RIMS2: variants seen among roughly 807,000 people sequenced by gnomAD.
RIMS2 encodes the protein regulating synaptic membrane exocytosis 2, also known as regulating synaptic membrane exocytosis protein 2.
Under a neutral mutation model 174.4 loss-of-function variants are expected in RIMS2, and 59 were observed. The observed-to-expected ratio is 0.34, with a 90% CI of 0.27 to 0.42. RIMS2 has a LOEUF of 0.42. Among genes scored for constraint, RIMS2 ranks in the 10% least tolerant of loss-of-function variants. RIMS2 has a pLI of 1.00. For missense variants in RIMS2, 1,620 were observed against 1,666.3 expected (o/e 0.97, Z 0.48); for synonymous variants, 606 against 572.5 (o/e 1.06, Z -0.84).
chr8:103,556,350 A>G (rs1277539080), intron 1 of RIMS2, among the ~76,000 whole-genome samples: 1 of 152,326 alleles, frequency 6.6e-6, no homozygotes, highest in South Asian at 2.1e-4. Flanking sequence ...AAATTCCTGT[A>G]AAGCTTGATC....
At chr8:103,981,508 A>G (rs1188286973) in intron 16 of RIMS2, among the ~76,000 whole-genome samples, 1 of 152,180 alleles carries the variant, frequency 6.6e-6, no homozygotes, top group Non-Finnish European at 1.5e-5. Flanking sequence ...CATTAGGATC[A>G]TCCAGGAAAA....
intron 3 of RIMS2, among the ~76,000 whole-genome samples, chr8:103,832,451 G>A (rs886782902): frequency 6.6e-6 from 1 of 151,972 alleles, no homozygotes; most frequent in East Asian, 1.9e-4. Context: ...TATGTCATGG[G>A]GGTTTGTTGT....
chr8:103,777,871 GAAATTGGGTATAAACTGGGTACA>G (rs1199916336), intron 3 of RIMS2, among the ~76,000 whole-genome samples: 24 of 152,070 alleles, frequency 1.6e-4, no homozygotes, highest in Non-Finnish European at 2.5e-4. Context: ...TGCTGGGTAT[GAAATTGGGTATAAACTGGGTACA>G]AAATTGGGTA....
chr8:103,845,113 T>C (rs550576289), intron 3 of RIMS2, among the ~76,000 whole-genome samples: 30 of 152,290 alleles, frequency 2.0e-4, no homozygotes, highest in Non-Finnish European at 2.9e-5. Flanking sequence ...TTATTGTTGC[T>C]TGTGAAAGTT....
At chr8:103,681,829 TGG>T (rs2096884046) in intron 1 of RIMS2, among the ~76,000 whole-genome samples, 1 of 151,948 alleles carries the variant, frequency 6.6e-6, no homozygotes, top group Admixed American at 6.6e-5. Flanking sequence ...GGAAGAAGCA[TGG>T]ATGTGAGTAG....
At chr8:103,752,965 C>T (rs1194304182) in intron 2 of RIMS2, among the ~76,000 whole-genome samples, 1 of 151,944 alleles carries the variant, frequency 6.6e-6, no homozygotes, top group African/African-American at 2.4e-5. Context: ...GAACTTCCAA[C>T]ACTATGTTGA....
intron 13 of RIMS2, among the ~76,000 whole-genome samples, chr8:103,938,933 G>T (rs901237121): frequency 6.6e-6 from 1 of 152,190 alleles, no homozygotes; most frequent in Non-Finnish European, 1.5e-5. Context: ...CAAGAGGTGG[G>T]TTCCCATGGT....
chr8:104,159,012 G>A (rs1435193818), intron 19 of RIMS2, among the ~76,000 whole-genome samples: 2 of 152,008 alleles, frequency 1.3e-5, no homozygotes, highest in Non-Finnish European at 2.9e-5. Context: ...TTTCTTCTAG[G>A]GTTTTTATGG....
intron 1 of RIMS2, among the ~76,000 whole-genome samples, chr8:103,587,909 C>T (rs1249183761): frequency 6.6e-6 from 1 of 151,924 alleles, no homozygotes; most frequent in East Asian, 1.9e-4. Flanking sequence ...CTAGCTATAG[C>T]ATTCAGACAG....
chr8:103,671,270 A>T (rs34450887), intron 1 of RIMS2, among the ~76,000 whole-genome samples: 17,653 of 152,150 alleles, frequency 0.12, 1,365 homozygotes, highest in Non-Finnish European at 0.17. Flanking sequence ...ACATTTCAAG[A>T]TAAGATTTGG....
exon 18 of RIMS2, chr8:104,013,542 C>G: frequency 6.2e-7 from 1 of 1,613,786 alleles, no homozygotes; most frequent in Non-Finnish European, 8.5e-7. Flanking sequence ...ATCCACTGAA[C>G]GTCCTGATAC....
intron 15 of RIMS2, among the ~76,000 whole-genome samples, chr8:103,966,429 C>G (rs981113976): frequency 6.6e-6 from 1 of 151,972 alleles, no homozygotes; most frequent in African/African-American, 2.4e-5. Context: ...CATAATAGTC[C>G]TTTATTATCC....
rs144061768 is a variant in RIMS2, at chr8:104,234,918, A to G, written c.3335-9998A>G. Among the ~76,000 whole-genome samples, 389 of 152,262 alleles carry G rather than the reference A, an allele frequency of 2.6e-3. 2 individuals are homozygous for G. The highest frequency in any genetic ancestry group is 4.6e-3 in the Admixed American group (70 of 15,278). On this transcript the variant is annotated intron_variant, in intron 19 of 23. Transcript: ENST00000504942. The stretch of plus-strand genomic sequence containing the variant: ...GGTGTATTCAGTCCTATTGACAGCT[A>G]TGGTATAGTTTGATGAAATCTCCAA...
intron 14 of RIMS2, among the ~76,000 whole-genome samples, chr8:103,948,567 T>C (rs1305050783): frequency 1.3e-5 from 2 of 152,178 alleles, no homozygotes; most frequent in African/African-American, 4.8e-5. Flanking sequence ...GAATGAAAGA[T>C]GATACATGCA....
intron 19 of RIMS2, among the ~76,000 whole-genome samples, chr8:104,079,275 G>C (rs886666693): frequency 6.6e-6 from 1 of 152,006 alleles, no homozygotes; most frequent in Non-Finnish European, 1.5e-5. Context: ...AATCTGTGGA[G>C]AATAGCTGCC....
chr8:103,699,674 A>T (rs2097146802), intron 2 of RIMS2, among the ~76,000 whole-genome samples: 1 of 151,920 alleles, frequency 6.6e-6, no homozygotes, highest in Non-Finnish European at 1.5e-5. Flanking sequence ...ATAGAAGCTG[A>T]GATCATTGCC....
chr8:104,173,613 A>ATTTTTTTGTTT (rs2098845215), intron 19 of RIMS2, among the ~76,000 whole-genome samples: 1 of 54,198 alleles, frequency 1.8e-5, no homozygotes, highest in Non-Finnish European at 3.0e-5. Context: ...AGCTCTTCTG[A>ATTTTTTTGTTT]TTTTTTTTTT....
In RIMS2 at chr8:103,810,578, T is replaced by C. The variant is rs556844452; in HGVS notation, c.698+44041T>C. Among the ~76,000 whole-genome samples the C allele has an allele frequency of 1.6e-3, 237 of 147,548 alleles. 1 individual carries two copies. The highest frequency in any genetic ancestry group is 5.6e-3 in the African/African-American group (224 of 39,704). ...GATATTTTTTCTTCAGTATTGAACC[T>C]AATGTCCTTTAAAAATTTTTATTGT... On this transcript the variant is annotated intron_variant, in intron 3 of 23. Transcript: ENST00000504942.
At chr8:103,506,189 T>C (rs2130921732) in intron 1 of RIMS2, among the ~76,000 whole-genome samples, 1 of 152,228 alleles carries the variant, frequency 6.6e-6, no homozygotes, top group Admixed American at 6.5e-5. Flanking sequence ...TTGATTGACA[T>C]TTTATAAGAA....
Sources: gnomAD v4.1 joint callset for allele counts (sites outside exome capture counted in the v4.1 genomes callset) on GRCh38, gnomAD v4.1.1 for gene constraint, MANE v1.5 for transcripts, NCBI Gene and HGNC (gene_info 2026-07-23, HGNC 2026-07-21) for gene names.